The following SV2C variants were observed in gnomAD, a reference collection of about 807,000 sequenced individuals.
SV2C encodes synaptic vesicle glycoprotein 2C.
SV2C carries 49 observed loss-of-function variants against 79.7 expected under a neutral mutation model. The ratio of observed to expected loss-of-function variants is 0.61; its 90% confidence interval spans 0.49 to 0.78. The LOEUF (loss-of-function observed/expected upper bound fraction) is 0.78, where lower values mean the gene tolerates loss of function less well. Among genes scored for constraint, SV2C ranks in the 30% least tolerant of loss-of-function variants. The pLI is 0.00. For missense variants in SV2C, 833 were observed against 912.9 expected (o/e 0.91, Z 1.13); for synonymous variants, 334 against 333.2 (o/e 1.00, Z -0.03).
At chr5:75,895,013 A>G in the SV2C span, among the ~76,000 whole-genome samples, 8 of 152,128 alleles carry the variant, frequency 5.3e-5, no homozygotes, top group Non-Finnish European at 1.2e-4. Context: ...GATTTCATAC[A>G]TTAAAGAAAA....
At chr5:76,052,000 T>C in the SV2C span, among the ~76,000 whole-genome samples, 3,900 of 152,270 alleles carry the variant, frequency 0.026, 179 homozygotes, top group African/African-American at 0.09. Context: ...TTTATCTTCA[T>C]TGTAGCCCAT....
intron 4 of SV2C, among the ~76,000 whole-genome samples, chr5:76,211,472 G>A (rs1275782537): frequency 2.2e-5 from 2 of 91,616 alleles, no homozygotes; most frequent in Non-Finnish European, 4.4e-5. Context: ...GCGTGTGTGT[G>A]TGTGTGTGTG....
At chr5:76,203,778 A>G (rs1744525308) in intron 3 of SV2C, among the ~76,000 whole-genome samples, 1 of 152,268 alleles carries the variant, frequency 6.6e-6, no homozygotes, top group Non-Finnish European at 1.5e-5. Context: ...TTTACATAAT[A>G]TTTAGAAAAT....
At chr5:76,226,197 G>C (rs1342448993) in intron 4 of SV2C, among the ~76,000 whole-genome samples, 1 of 151,982 alleles carries the variant, frequency 6.6e-6, no homozygotes, top group African/African-American at 2.4e-5. Flanking sequence ...TGGATGGCTG[G>C]GGAGCAGTGG....
At chr5:76,216,527 T>C (rs947299039) in intron 4 of SV2C, among the ~76,000 whole-genome samples, 6 of 152,292 alleles carry the variant, frequency 3.9e-5, no homozygotes, top group African/African-American at 1.4e-4. Flanking sequence ...CCGGGTGCAG[T>C]GCCTCACACC....
In SV2C at chr5:76,130,118, T is replaced by C. The variant is rs538898299; in HGVS notation, c.-101-1532T>C. ...CTCATGGATTTTCCCATGTCTCTCT[T>C]CCTCCCTTTCTCTTCCTCTCAGTTC... On this transcript the variant is annotated intron_variant, in intron 1 of 12. Transcript: ENST00000502798. Among the ~76,000 whole-genome samples the C allele has an allele frequency of 1.5e-5, 2 of 129,528 alleles. 1 individual carries two copies. Among genetic ancestry groups the C allele is most frequent in the South Asian group, 5.3e-4 (2 of 3,768 alleles). 85.0% of individuals were successfully genotyped at this position (129,528 alleles called of 152,430 possible).
intron 4 of SV2C, among the ~76,000 whole-genome samples, chr5:76,224,184 T>C (rs921630135): frequency 6.6e-6 from 1 of 152,130 alleles, no homozygotes; most frequent in African/African-American, 2.4e-5. Context: ...CTGGGATTTT[T>C]TGGGGGTTTT....
intron 1 of SV2C, among the ~76,000 whole-genome samples, chr5:76,101,323 T>TA (rs1403752148): frequency 2.0e-5 from 3 of 152,170 alleles, no homozygotes; most frequent in Non-Finnish European, 4.4e-5. Context: ...AAATCAGGTG[T>TA]ACAGTGGCTT....
chr5:76,252,874 C>G (rs1746155958), intron 4 of SV2C, among the ~76,000 whole-genome samples: 1 of 152,198 alleles, frequency 6.6e-6, no homozygotes, highest in African/African-American at 2.4e-5. Context: ...AAGTAATATT[C>G]ATCCATGGAT....
the SV2C span, among the ~76,000 whole-genome samples, chr5:75,992,144 C>T: frequency 1.9e-4 from 29 of 151,838 alleles, no homozygotes; most frequent in African/African-American, 6.5e-4. Flanking sequence ...TTCCTATCCA[C>T]GTCATGGTCT....
the SV2C span, among the ~76,000 whole-genome samples, chr5:76,067,664 A>G: frequency 6.6e-6 from 1 of 152,054 alleles, no homozygotes; most frequent in African/African-American, 2.4e-5. Flanking sequence ...TGTTAAATCT[A>G]TACATTGACT....
chr5:76,093,036 G>A (rs1412877580), intron 1 of SV2C, among the ~76,000 whole-genome samples: 3 of 152,140 alleles, frequency 2.0e-5, no homozygotes, highest in Non-Finnish European at 4.4e-5. Context: ...GGGGCTGGAA[G>A]CATTTTAAAT....
chr5:75,973,246 A>G, the SV2C span, among the ~76,000 whole-genome samples: 1 of 152,032 alleles, frequency 6.6e-6, no homozygotes, highest in Non-Finnish European at 1.5e-5. Context: ...TAATGGGTGC[A>G]GTACACCAAC....
the SV2C span, among the ~76,000 whole-genome samples, chr5:75,883,787 T>C: frequency 2.0e-5 from 3 of 150,656 alleles, no homozygotes; most frequent in Admixed American, 6.6e-5. Flanking sequence ...TGTATACATA[T>C]GTAACTAACC....
chr5:76,281,030 A>G (rs1355100953), intron 4 of SV2C: 1 of 540,820 alleles, frequency 1.8e-6, no homozygotes, highest in Non-Finnish European at 3.8e-6. Context: ...TCTTAGCCCA[A>G]GTTCTAAATC....
chr5:76,264,378 G>A (rs977675003), intron 4 of SV2C, among the ~76,000 whole-genome samples: 2 of 151,998 alleles, frequency 1.3e-5, no homozygotes, highest in African/African-American at 4.8e-5. Flanking sequence ...GGGTTAGAAT[G>A]TGCTCCTTTA....
At chr5:76,010,217 CT>C in the SV2C span, among the ~76,000 whole-genome samples, 1 of 152,042 alleles carries the variant, frequency 6.6e-6, no homozygotes, top group Non-Finnish European at 1.5e-5. Context: ...CAGGCCCTCT[CT>C]CCCTAGGCTC....
intron 2 of SV2C, among the ~76,000 whole-genome samples, chr5:76,147,815 T>C (rs1240666027): frequency 2.0e-5 from 3 of 152,270 alleles, no homozygotes; most frequent in African/African-American, 7.2e-5. Context: ...TCTTTTTGCT[T>C]AAGCTTATTT....
intron 2 of SV2C, among the ~76,000 whole-genome samples, chr5:76,150,331 C>T (rs962692810): frequency 6.6e-6 from 1 of 151,820 alleles, no homozygotes; most frequent in African/African-American, 2.4e-5. Context: ...GTGTGTGCCA[C>T]CACGCCCAGC....
Sources: gnomAD v4.1 joint callset for allele counts (sites outside exome capture counted in the v4.1 genomes callset) on GRCh38, gnomAD v4.1.1 for gene constraint, MANE v1.5 for transcripts, NCBI Gene and HGNC (gene_info 2026-07-23, HGNC 2026-07-21) for gene names.